The following ARHGAP21 variants were observed in gnomAD, a reference collection of about 807,000 sequenced individuals.
The protein encoded by ARHGAP21 is Rho GTPase activating protein 21, also known as rho GTPase-activating protein 21.
In ARHGAP21, 38 loss-of-function variants were observed where a neutral mutation model predicts 164.6. That is an observed-to-expected ratio of 0.23 (90% CI 0.18 to 0.30). The LOEUF (loss-of-function observed/expected upper bound fraction) is 0.30, where lower values mean the gene tolerates loss of function less well. ARHGAP21 is among the 10% of genes least tolerant of loss of function. ARHGAP21 has a pLI of 1.00. For missense variants in ARHGAP21, 1,822 were observed against 2,370.7 expected, an observed-to-expected ratio of 0.77 and a Z score of 4.81; for synonymous variants, 766 against 857.9, an observed-to-expected ratio of 0.89 and a Z score of 1.87.
At chr10:24,653,392 G>A (rs906613854) in intron 4 of ARHGAP21, among the ~76,000 whole-genome samples, 4 of 152,102 alleles carry the variant, frequency 2.6e-5, no homozygotes, top group Admixed American at 1.3e-4. Context: ...GGCTAACACG[G>A]TGAAACCCCG....
At chr10:24,679,923 T>TC (rs1234623717) in intron 2 of ARHGAP21, among the ~76,000 whole-genome samples, 3 of 152,086 alleles carry the variant, frequency 2.0e-5, no homozygotes, top group Non-Finnish European at 2.9e-5. Context: ...CCTAATGCTA[T>TC]CCCTCCCCTC....
At chr10:24,713,840 A>G (rs557560337) in intron 2 of ARHGAP21, among the ~76,000 whole-genome samples, 4 of 152,300 alleles carry the variant, frequency 2.6e-5, no homozygotes, top group African/African-American at 9.6e-5. Context: ...GAGAAGCACA[A>G]AATGCCATCA....
chr10:24,595,871 C>T lies in ARHGAP21; in HGVS notation c.3633+17G>A, dbSNP rs1160837527. The T allele has an allele frequency of 9.9e-6, 16 of 1,611,150 alleles. No individual in the cohort carries two copies. The highest frequency in any genetic ancestry group is 1.4e-5 in the Non-Finnish European group (16 of 1,178,864). On this transcript the variant is annotated intron_variant, in intron 18 of 25. Transcript: ENST00000396432. ...GGGGGAAAAAAAAGGATCAGTTATT[C>T]AAATAAGCAAACTTACATCATCTTG...
At chr10:24,638,387 T>C (rs773230122) in intron 4 of ARHGAP21, among the ~76,000 whole-genome samples, 1 of 152,236 alleles carries the variant, frequency 6.6e-6, no homozygotes, top group African/African-American at 2.4e-5. Context: ...CTTTTTAAGA[T>C]ATGTGCTCCG....
chr10:24,664,248 G>C (rs1483252760), intron 4 of ARHGAP21, among the ~76,000 whole-genome samples: 1 of 152,008 alleles, frequency 6.6e-6, no homozygotes, highest in Non-Finnish European at 1.5e-5. Context: ...CAAACTTACA[G>C]CCCACCGTCA....
intron 4 of ARHGAP21, among the ~76,000 whole-genome samples, chr10:24,650,773 G>A (rs974600819): frequency 6.6e-6 from 1 of 152,218 alleles, no homozygotes; most frequent in Admixed American, 6.5e-5. Context: ...CCACATTTGT[G>A]TGAAGGCACC....
intron 14 of ARHGAP21, among the ~76,000 whole-genome samples, chr10:24,599,492 C>T (rs1293710004): frequency 2.6e-5 from 4 of 152,112 alleles, no homozygotes; most frequent in Non-Finnish European, 2.9e-5. Context: ...TATGGTGTAA[C>T]GTTTTAATAC....
In ARHGAP21 at chr10:24,699,336, A is replaced by T. The variant is rs182885304; in HGVS notation, c.63+22501T>A. 2.9e-3 allele frequency among the ~76,000 whole-genome samples: 436 copies of T among 151,740 alleles called. 2 individuals carry two copies. The highest frequency in any genetic ancestry group is 0.017 in the East Asian group (88 of 5,158). ...CTTTAGAATTATTATTATTATTATTATTTTTTTGAGATGGAGTCTCACTCG... is the reference window on the plus strand; with the variant it reads ...CTTTAGAATTATTATTATTATTATTTTTTTTTTGAGATGGAGTCTCACTCG... On this transcript the variant is annotated intron_variant, in intron 2 of 25. Transcript: ENST00000396432.
At chr10:24,659,595 G>A (rs767235410) in intron 4 of ARHGAP21, among the ~76,000 whole-genome samples, 4 of 152,124 alleles carry the variant, frequency 2.6e-5, no homozygotes, top group African/African-American at 9.7e-5. Flanking sequence ...AATTACAGGC[G>A]TAAGCCACTG....
At chr10:24,600,132 C>CCAAAAA (rs576760043) in intron 14 of ARHGAP21, among the ~76,000 whole-genome samples, 2 of 94,860 alleles carry the variant, frequency 2.1e-5, no homozygotes, top group African/African-American at 8.3e-5. Context: ...GACTTCGTTT[C>CCAAAAA]AAAAAAAAAA....
chr10:24,594,499 CTGAA>C (rs1284315762), intron 21 of ARHGAP21, among the ~76,000 whole-genome samples: 1 of 151,956 alleles, frequency 6.6e-6, no homozygotes. Flanking sequence ...AAAAGAAAAA[CTGAA>C]TGTGAACTGA....
intron 2 of ARHGAP21, among the ~76,000 whole-genome samples, chr10:24,702,692 T>C (rs1843811310): frequency 6.6e-6 from 1 of 152,052 alleles, no homozygotes; most frequent in African/African-American, 2.4e-5. Context: ...GCTCAAGCAA[T>C]TGCCCCACCT....
At chr10:24,618,218 C>G (rs1272814516) in intron 9 of ARHGAP21, among the ~76,000 whole-genome samples, 1 of 152,104 alleles carries the variant, frequency 6.6e-6, no homozygotes, top group Non-Finnish European at 1.5e-5. Flanking sequence ...TACATTTAAC[C>G]AGCATTTCAA....
rs148469693 is a variant in ARHGAP21 at position 24,669,075 on chromosome 10, A to C, written c.243+1143T>G. ...TTTTATACACATTTGAGAAAACCCA[A>C]ACAGATAAATTTCATTCTAAAGGTA... On this transcript the variant is annotated intron_variant, in intron 3 of 25. Coordinates refer to ENST00000396432, the MANE Select transcript of ARHGAP21 (RefSeq NM_020824.4). Among the ~76,000 whole-genome samples the C allele has an allele frequency of 1.6e-3, 240 of 152,292 alleles. 1 individual carries two copies. The highest frequency in any genetic ancestry group is 5.2e-3 in the African/African-American group (218 of 41,586).
chr10:24,669,287 C>A (rs1201583995), intron 3 of ARHGAP21, among the ~76,000 whole-genome samples: 1 of 152,128 alleles, frequency 6.6e-6, no homozygotes, highest in African/African-American at 2.4e-5. Context: ...AAACTGTGGT[C>A]TCTAGATAAA....
chr10:24,590,731 T>C, intron 24 of ARHGAP21: 2 of 985,286 alleles, frequency 2.0e-6, no homozygotes, highest in Non-Finnish European at 2.4e-6. Context: ...TGACAAATAA[T>C]ACACTGTATT....
intron 2 of ARHGAP21, among the ~76,000 whole-genome samples, chr10:24,715,448 T>A (rs1845275453): frequency 6.6e-6 from 1 of 152,230 alleles, no homozygotes; most frequent in African/African-American, 2.4e-5. Flanking sequence ...TTATAGCTTC[T>A]CTTATCGACC....
At chr10:24,719,155 GAGTGAGTGATTTCA>G (rs1845690722) in intron 2 of ARHGAP21, among the ~76,000 whole-genome samples, 1 of 151,566 alleles carries the variant, frequency 6.6e-6, no homozygotes, top group Non-Finnish European at 1.5e-5. Context: ...AAGAGGTTCA[GAGTGAGTGATTTCA>G]AGTTTTAAAA....
chr10:24,629,880 G>C (rs1423970489), intron 7 of ARHGAP21, 116 bp downstream of exon 7: 2 of 780,794 alleles, frequency 2.6e-6, no homozygotes, highest in Non-Finnish European at 2.2e-6. Context: ...AGGAACCAGA[G>C]GGTTTTTAAA....
Sources: allele counts gnomAD v4.1 joint callset (sites outside exome capture counted in the v4.1 genomes callset), GRCh38; gene constraint gnomAD v4.1.1; transcripts MANE v1.5; gene names NCBI Gene and HGNC (gene_info 2026-07-23, HGNC 2026-07-21).